Variants in RAD52 observed in about 807,000 individuals in gnomAD.
RAD52 encodes the protein DNA repair protein RAD52 homolog.
RAD52 carries 47 observed loss-of-function variants against 55.5 expected under a neutral mutation model. The ratio of observed to expected loss-of-function variants is 0.85; its 90% CI spans 0.67 to 1.08. The LOEUF (loss-of-function observed/expected upper bound fraction) is 1.08. Ranked by LOEUF, RAD52 falls within the 50% of genes least tolerant of loss-of-function variation. The pLI is 0.00. For synonymous variants in RAD52, 184 were observed against 198.9 expected (o/e 0.92, Z 0.63); for missense variants, 468 against 522.8 (o/e 0.90, Z 1.02).
intron 3 of RAD52, among the ~76,000 whole-genome samples, chr12:930,746 C>T (rs1957283976): frequency 6.6e-6 from 1 of 151,706 alleles, no homozygotes; most frequent in South Asian, 2.1e-4. Flanking sequence ...GTGGGAGGAT[C>T]ACTTGAGCCC....
chr12:979,965 T>C (rs1958989682), intron 1 of RAD52, among the ~76,000 whole-genome samples: 1 of 152,072 alleles, frequency 6.6e-6, no homozygotes, highest in African/African-American at 2.4e-5. Flanking sequence ...GAGAATGGCA[T>C]GAACCTGGGA....
At chr12:939,315 A>G (rs1957803241) in intron 1 of RAD52, among the ~76,000 whole-genome samples, 1 of 151,922 alleles carries the variant, frequency 6.6e-6, no homozygotes, top group African/African-American at 2.4e-5. Flanking sequence ...CACACACGGC[A>G]TATTTTTTAT....
At chr12:921,124 G>T (rs1275930332) in intron 7 of RAD52, among the ~76,000 whole-genome samples, 3 of 151,994 alleles carry the variant, frequency 2.0e-5, no homozygotes, top group African/African-American at 7.3e-5. Flanking sequence ...CTTCTGGGGT[G>T]CAGGGAAAGA....
At chr12:915,435 A>C (rs1956306273) in intron 9 of RAD52, among the ~76,000 whole-genome samples, 8 of 152,190 alleles carry the variant, frequency 5.3e-5, no homozygotes. Flanking sequence ...TCTGCTTCAC[A>C]ATTTGTAGGG....
intron 7 of RAD52, among the ~76,000 whole-genome samples, chr12:925,078 G>A (rs1477881802): frequency 6.6e-6 from 1 of 151,598 alleles, no homozygotes; most frequent in African/African-American, 2.4e-5. Flanking sequence ...AGCCTCCCGA[G>A]TAGCTGGGAC....
chr12:935,195 G>A (rs2154115710), intron 1 of RAD52, among the ~76,000 whole-genome samples: 1 of 131,744 alleles, frequency 7.6e-6, no homozygotes, highest in Non-Finnish European at 1.7e-5. Context: ...GGACACTGTG[G>A]GGTCAAAAAG....
intron 1 of RAD52, among the ~76,000 whole-genome samples, chr12:978,754 C>G (rs1195500094): frequency 2.0e-5 from 3 of 151,912 alleles, no homozygotes; most frequent in Non-Finnish European, 4.4e-5. Context: ...CACCTGTAAT[C>G]CAAACTACTC....
At chr12:962,173 T>G (rs960727108) in intron 1 of RAD52, among the ~76,000 whole-genome samples, 1 of 152,162 alleles carries the variant, frequency 6.6e-6, no homozygotes, top group African/African-American at 2.4e-5. Context: ...TGGTCTACTG[T>G]GTAGGACATT....
chr12:933,234 G>A (rs1475861975), intron 1 of RAD52, among the ~76,000 whole-genome samples, 158 bp from the exon 2 acceptor site: 1 of 152,062 alleles, frequency 6.6e-6, no homozygotes, highest in Non-Finnish European at 1.5e-5. Flanking sequence ...CGAGGTGGGT[G>A]GATCACAAGG....
chr12:929,405 G>C (rs1288071140), intron 5 of RAD52, among the ~76,000 whole-genome samples: 1 of 152,130 alleles, frequency 6.6e-6, no homozygotes, highest in Non-Finnish European at 1.5e-5. Context: ...AAATAACTGT[G>C]ACTTGAAGTG....
intron 1 of RAD52, among the ~76,000 whole-genome samples, chr12:942,790 T>A (rs1957989555): frequency 1.3e-5 from 2 of 151,722 alleles, no homozygotes; most frequent in African/African-American, 4.8e-5. Flanking sequence ...AAAGATTATC[T>A]TCACAGCCTG....
chr12:959,866 T>C (rs1019735479), intron 1 of RAD52, among the ~76,000 whole-genome samples: 11 of 152,330 alleles, frequency 7.2e-5, no homozygotes, highest in African/African-American at 2.6e-4. Context: ...ACATGGGCTT[T>C]AGTTTGCTTA....
chr12:959,604 A>G (rs1157505990), intron 1 of RAD52, among the ~76,000 whole-genome samples: 3 of 152,230 alleles, frequency 2.0e-5, no homozygotes, highest in Non-Finnish European at 4.4e-5. Context: ...AATTTTCAAA[A>G]GTGTATTTCA....
At chr12:917,513 T>C (rs1439127137) in intron 7 of RAD52, among the ~76,000 whole-genome samples, 2 of 152,140 alleles carry the variant, frequency 1.3e-5, no homozygotes, top group Non-Finnish European at 1.5e-5. Flanking sequence ...TTAAGATGAT[T>C]ACATTTTGAC....
chr12:924,452 A>C (rs543317578), intron 7 of RAD52, among the ~76,000 whole-genome samples: 1 of 152,210 alleles, frequency 6.6e-6, no homozygotes, highest in Non-Finnish European at 1.5e-5. Flanking sequence ...TGAATCCAAT[A>C]ATGTTTAAAA....
chr12:931,150 G>A, intron 3 of RAD52, 70 bp downstream of exon 3: 1 of 1,272,344 alleles, frequency 7.9e-7, no homozygotes, highest in Non-Finnish European at 1.1e-6. Context: ...AGGACCCAGA[G>A]AGGGAACTGG....
chr12:936,056 C>A (rs1372675001), intron 1 of RAD52, among the ~76,000 whole-genome samples: 2 of 151,892 alleles, frequency 1.3e-5, no homozygotes. Flanking sequence ...GTAATCCCAG[C>A]ACTTTGGGAG....
chr12:973,195 A>G (rs2107647), intron 1 of RAD52, among the ~76,000 whole-genome samples: 18,426 of 151,406 alleles, frequency 0.12, 1,794 homozygotes, highest in African/African-American at 0.28. Flanking sequence ...TCAGCCTCCC[A>G]AGTAGCTGGG....
At chr12:966,545 C>G (rs985904017) in intron 1 of RAD52, among the ~76,000 whole-genome samples, 1 of 151,888 alleles carries the variant, frequency 6.6e-6, no homozygotes, top group East Asian at 1.9e-4. Context: ...TTCTAATGCT[C>G]ATGGTTTTCT....
Sources: allele counts gnomAD v4.1 joint callset (sites outside exome capture counted in the v4.1 genomes callset), GRCh38; gene constraint gnomAD v4.1.1; transcripts MANE v1.5; gene names NCBI Gene and HGNC (gene_info 2026-07-23, HGNC 2026-07-21).